The following VPS53 variants were observed in gnomAD, a reference collection of about 807,000 sequenced individuals.
The protein encoded by VPS53 is VPS53 subunit of GARP complex.
In VPS53, 70 loss-of-function variants were observed where a neutral mutation model predicts 107.0. The ratio of observed to expected loss-of-function variants is 0.65; its 90% CI spans 0.54 to 0.80. The LOEUF (loss-of-function observed/expected upper bound fraction) is 0.80. Among genes scored for constraint, VPS53 ranks in the 30% least tolerant of loss-of-function variants. VPS53 has a pLI of 0.00. For missense variants in VPS53, 917 were observed against 1,049.4 expected (o/e 0.87, Z 1.74); for synonymous variants, 409 against 393.3 (o/e 1.04, Z -0.47).
intron 7 of VPS53, among the ~76,000 whole-genome samples, chr17:643,536 T>C (rs535781640): frequency 2.3e-4 from 12 of 52,214 alleles, no homozygotes; most frequent in African/African-American, 6.5e-4. Flanking sequence ...ACAACACTCA[T>C]ACTTGGAAAC....
At position 518,022 on chromosome 17, in the gene VPS53, T is replaced by C. The variant is rs145221578; in HGVS notation, c.*1106A>G. 4,146 of 152,394 alleles carry C rather than the reference T, an allele frequency of 0.027. 88 individuals carry two copies. The highest frequency in any genetic ancestry group is 0.075 in the Middle Eastern group (22 of 294). The allele number at this position is 152,394 out of a possible 1,614,324, so 9.4% of individuals were successfully genotyped here. A position where few individuals can be genotyped will look rare whatever the true frequency, so the allele number is the denominator to read the frequency against. On this transcript the variant is annotated 3_prime_UTR_variant, in exon 22 of 22. Transcript: ENST00000437048. ...CTGGACTCAAGTGATCCTCCTGCCTTGGTCTCCCAAAGTGTTGCGACTACA... is the reference window on the plus strand; with the variant it reads ...CTGGACTCAAGTGATCCTCCTGCCTCGGTCTCCCAAAGTGTTGCGACTACA...
chr17:672,704 G>A (rs1972013522), intron 4 of VPS53, among the ~76,000 whole-genome samples: 1 of 152,230 alleles, frequency 6.6e-6, no homozygotes, highest in Admixed American at 6.5e-5. Flanking sequence ...CCTATTACAT[G>A]TACTGTGCTA....
intron 13 of VPS53, among the ~76,000 whole-genome samples, chr17:581,892 T>C (rs994758672): frequency 2.7e-5 from 4 of 146,552 alleles, no homozygotes; most frequent in Admixed American, 6.8e-5. Flanking sequence ...CAACCTCCCT[T>C]GGAACCTCAG....
chr17:652,214 C>T (rs1320253471), intron 7 of VPS53, among the ~76,000 whole-genome samples: 1 of 152,054 alleles, frequency 6.6e-6, no homozygotes, highest in Admixed American at 6.6e-5. Context: ...AGGCTGGCCT[C>T]GAACTCCTGA....
intron 7 of VPS53, among the ~76,000 whole-genome samples, chr17:642,663 C>T (rs1246899353): frequency 2.7e-5 from 4 of 150,188 alleles, no homozygotes; most frequent in Non-Finnish European, 4.4e-5. Flanking sequence ...ACTTGGAAAG[C>T]GAGGACAACA....
rs1907819819 is a variant in VPS53, at chr17:509,659, T to TCGCCCCTCACTGGTCACGTATCGCATCCC, written c.*9468_*9469insGGGATGCGATACGTGACCAGTGAGGGGCG. ...CCCTCACTGGTCACGTATCGCATCCTGGCTCGCCCCTCACTGGTCACGTAT... is the reference window on the plus strand; with the variant it reads ...CCCTCACTGGTCACGTATCGCATCCTCGCCCCTCACTGGTCACGTATCGCATCCCGGCTCGCCCCTCACTGGTCACGTAT... On this transcript the variant is annotated 3_prime_UTR_variant, in exon 22 of 22. Coordinates refer to ENST00000437048, the MANE Select transcript of VPS53 (RefSeq NM_001128159.3). 1 of 166,272 alleles carries TCGCCCCTCACTGGTCACGTATCGCATCCC rather than the reference T, an allele frequency of 6.0e-6. No homozygotes were observed. Among genetic ancestry groups the TCGCCCCTCACTGGTCACGTATCGCATCCC allele is most frequent in the African/African-American group, 2.6e-5 (1 of 38,158 alleles). 10.3% of individuals were successfully genotyped at this position (166,272 alleles called of 1,614,324 possible). A position where few individuals can be genotyped will look rare whatever the true frequency, so the allele number is the denominator to read the frequency against.
chr17:655,069 T>C (rs1338410225), intron 6 of VPS53, among the ~76,000 whole-genome samples: 1 of 152,210 alleles, frequency 6.6e-6, no homozygotes, highest in Non-Finnish European at 1.5e-5. Context: ...ACCCAGGACT[T>C]TGAATGCTGC....
intron 7 of VPS53, among the ~76,000 whole-genome samples, chr17:651,923 C>T (rs1361015963): frequency 1.3e-4 from 20 of 152,090 alleles, no homozygotes. Flanking sequence ...GGGATTAAAA[C>T]TCAACAGCAA....
intron 4 of VPS53, among the ~76,000 whole-genome samples, chr17:662,523 A>G (rs1236910790): frequency 6.6e-6 from 1 of 151,872 alleles, no homozygotes; most frequent in Admixed American, 6.6e-5. Context: ...CCCCATCTCT[A>G]CTAAAAATAC....
intron 4 of VPS53, among the ~76,000 whole-genome samples, chr17:694,957 G>A (rs1972900737): frequency 6.6e-6 from 1 of 152,152 alleles, no homozygotes; most frequent in Admixed American, 6.5e-5. Context: ...CTCCCACCTA[G>A]GCATCCCAAA....
intron 7 of VPS53, among the ~76,000 whole-genome samples, chr17:639,907 A>C (rs1045950517): frequency 2.0e-5 from 3 of 152,164 alleles, no homozygotes; most frequent in Non-Finnish European, 4.4e-5. Flanking sequence ...TGCTGGGAGA[A>C]CCACTACTCT....
At chr17:604,502 G>A (rs773354853) in intron 11 of VPS53, among the ~76,000 whole-genome samples, 1 of 152,196 alleles carries the variant, frequency 6.6e-6, no homozygotes, top group Non-Finnish European at 1.5e-5. Context: ...TGAGGCAGGT[G>A]AGCACAGGCC....
chr17:542,657 A>G (rs952637908), intron 17 of VPS53, among the ~76,000 whole-genome samples: 2 of 152,220 alleles, frequency 1.3e-5, no homozygotes, highest in African/African-American at 4.8e-5. Flanking sequence ...AATTGAAATT[A>G]TGGTGATTTA....
intron 13 of VPS53, among the ~76,000 whole-genome samples, chr17:566,520 A>G (rs1567632481): frequency 6.6e-6 from 1 of 152,126 alleles, no homozygotes; most frequent in African/African-American, 2.4e-5. Flanking sequence ...TGCTCGATAC[A>G]TACTTACCTG....
At chr17:547,369 C>A (rs1028253864) in intron 17 of VPS53, among the ~76,000 whole-genome samples, 1 of 152,116 alleles carries the variant, frequency 6.6e-6, no homozygotes, top group Admixed American at 6.6e-5. Flanking sequence ...CTGACACATG[C>A]CCCACCATGC....
intron 12 of VPS53, among the ~76,000 whole-genome samples, chr17:589,861 C>T (rs1159371769): frequency 6.6e-6 from 1 of 152,008 alleles, no homozygotes; most frequent in Non-Finnish European, 1.5e-5. Context: ...GCGATGTGGG[C>T]TCTTTTTTGG....
chr17:613,827 C>T (rs567990914), intron 11 of VPS53, among the ~76,000 whole-genome samples: 2 of 152,356 alleles, frequency 1.3e-5, no homozygotes, highest in South Asian at 2.1e-4. Context: ...AAAACCTGTA[C>T]AGATACTCAC....
chr17:623,858 T>C (rs1393682201), intron 10 of VPS53, among the ~76,000 whole-genome samples, 184 bp from the exon 11 acceptor site: 1 of 152,126 alleles, frequency 6.6e-6, no homozygotes, highest in Non-Finnish European at 1.5e-5. Flanking sequence ...AACAAGATTT[T>C]TAAGGTGAAA....
intron 12 of VPS53, among the ~76,000 whole-genome samples, chr17:595,873 G>A (rs1381511227): frequency 8.4e-5 from 11 of 130,410 alleles, no homozygotes; most frequent in Admixed American, 1.5e-4. Flanking sequence ...CAATTTCCTC[G>A]TTTGATGATG....
Sources: allele counts gnomAD v4.1 joint callset (sites outside exome capture counted in the v4.1 genomes callset), GRCh38; gene constraint gnomAD v4.1.1; transcripts MANE v1.5; gene names NCBI Gene and HGNC (gene_info 2026-07-23, HGNC 2026-07-21).